Variants in ATP7B observed in about 807,000 individuals in gnomAD.
ATP7B encodes ATPase copper transporting beta.
A neutral mutation model predicts 118.9 loss-of-function variants in ATP7B; 113 were observed. That is an observed-to-expected ratio of 0.95 (90% CI 0.82 to 1.11). The LOEUF is 1.11. ATP7B is among the 50% of genes most tolerant of loss of function. ATP7B has a pLI of 0.00. For missense variants in ATP7B, 1,867 were observed against 1,871.4 expected (o/e 1.00, Z 0.04); for synonymous variants, 777 against 727.4 (o/e 1.07, Z -1.10).
At chr13:51,951,346 A>G (rs1957993009) in intron 9 of ATP7B, among the ~76,000 whole-genome samples, 2 of 152,068 alleles carry the variant, frequency 1.3e-5, no homozygotes, top group Non-Finnish European at 2.9e-5. Flanking sequence ...ATGATTATGG[A>G]GAAGCAGCTA....
intron 1 of ATP7B, among the ~76,000 whole-genome samples, chr13:52,003,598 T>A (rs1361104005): frequency 6.6e-6 from 1 of 151,428 alleles, no homozygotes; most frequent in Non-Finnish European, 1.5e-5. Context: ...ACTTGCTCAG[T>A]GCAGGGTTGC....
intron 13 of ATP7B, 25 bp downstream of exon 13, chr13:51,946,259 G>A (rs1402369224): frequency 5.1e-6 from 8 of 1,557,514 alleles, no homozygotes; most frequent in Non-Finnish European, 7.0e-6. Flanking sequence ...CTCTCAGGAT[G>A]GGGAAAGCCG....
intron 9 of ATP7B, among the ~76,000 whole-genome samples, chr13:51,954,067 A>C (rs901627953): frequency 6.6e-6 from 1 of 152,216 alleles, no homozygotes; most frequent in Non-Finnish European, 1.5e-5. Context: ...GAGGAGCCAC[A>C]GCTGAGCCAG....
chr13:51,960,295 C>G lies in ATP7B; in HGVS notation c.1974G>C (p.Leu658=), dbSNP rs1483566898. The G allele has an allele frequency of 6.2e-7, 1 of 1,613,598 alleles. No individual in the cohort carries two copies. The highest frequency in any genetic ancestry group is 1.3e-5 in the African/African-American group (1 of 74,916). ...KQWKKSFLCS[L]VFGIPVMALM... is the part of the protein sequence containing the mutation. ...AGGCCATGACAGGGATGCCAAACAC[C>G]AGGCTGCACAGGAAAGACTTCTTCC... Residue 658 remains leucine, a synonymous_variant, in exon 7 of 21, where the codon CTG becomes CTC. Coordinates refer to ENST00000242839, the MANE Select transcript of ATP7B (RefSeq NM_000053.4).
Position 52,011,312 on chromosome 13 carries a change from G to C in ATP7B, c.26C>G (p.Thr9Arg). ...TTTCCGACTGGCCCCTTCTCTGGCTGTGATCTGTCTCTCCTGCTCAGGCAT... is the reference window on the plus strand; with the variant it reads ...TTTCCGACTGGCCCCTTCTCTGGCTCTGATCTGTCTCTCCTGCTCAGGCAT... The part of the protein sequence containing the change: MPEQERQI[T>R]AREGASRKIL... The change falls in exon 1 of 21, where the codon ACA becomes AGA. Residue 9 changes from threonine (T) to arginine (R), a missense_variant. By Grantham distance (71) the Thr-to-Arg change is moderately conservative. Coordinates refer to ENST00000242839, the MANE Select transcript of ATP7B (RefSeq NM_000053.4). The C allele has an allele frequency of 6.2e-7, 1 of 1,614,242 alleles. No individual in the cohort carries two copies. Among genetic ancestry groups the C allele is most frequent in the Non-Finnish European group, 8.5e-7 (1 of 1,180,028 alleles).
chr13:51,935,165 G>A, intron 20 of ATP7B, 136 bp from the exon 21 acceptor site: 1 of 1,256,898 alleles, frequency 8.0e-7, no homozygotes, highest in Non-Finnish European at 1.1e-6. Context: ...CAAGGAAAAG[G>A]ACATTAAACT....
chr13:51,938,105 CCAGGGTCT>C (rs1957080731), intron 17 of ATP7B, among the ~76,000 whole-genome samples: 1 of 152,192 alleles, frequency 6.6e-6, no homozygotes, highest in African/African-American at 2.4e-5. Flanking sequence ...TCCCAGGGTC[CCAGGGTCT>C]GGCAGCTGGT....
rs928169 is a variant in ATP7B, at chr13:51,932,974, G to C, written c.*1782C>G. 83,833 of 151,832 alleles carry C rather than the reference G, an allele frequency of 0.55. 23,302 individuals carry two copies. Among genetic ancestry groups the C allele is most frequent in the Middle Eastern group, 0.63 (185 of 294 alleles). 9.4% of individuals were successfully genotyped at this position (151,832 alleles called of 1,614,324 possible). ...GCGGAAATGTGCTGCGGGCTGGAGTGGGGGGGCTGAAAACAAGGAAAACAC... is the reference window on the plus strand; with the variant it reads ...GCGGAAATGTGCTGCGGGCTGGAGTCGGGGGGCTGAAAACAAGGAAAACAC... On this transcript the variant is annotated 3_prime_UTR_variant, in exon 21 of 21. Transcript: ENST00000242839.
At position 51,935,668 on chromosome 13, in the gene ATP7B, A is replaced by G. The variant is rs764603742; in HGVS notation, c.4049T>C (p.Leu1350Pro). The part of the protein sequence containing the change: ...AGVFMPIGIV[L>P]QPWMGSAAMA... ...GGCCGCTGAGCCCATCCAGGGCTGC[A>G]GCACAATGCCGATGGGCATGAAGAC... is the stretch of plus-strand genomic sequence containing the variant. The change falls in exon 20 of 21, where the codon CTG becomes CCG. Residue 1350 changes from leucine (L) to proline (P), a missense_variant. Physicochemically the swap from Leu to Pro is moderately conservative, Grantham distance 98. Transcript: ENST00000242839. The G allele has an allele frequency of 6.2e-6, 10 of 1,613,582 alleles. No individual in the cohort carries two copies. The South Asian group carries it at 1.1e-4, about 18-fold the overall frequency.
chr13:52,003,307 T>G (rs1000238450), intron 1 of ATP7B, among the ~76,000 whole-genome samples: 2 of 152,168 alleles, frequency 1.3e-5, no homozygotes, highest in Non-Finnish European at 2.9e-5. Flanking sequence ...ATTGGCCTAA[T>G]TTTAATATTG....
chr13:51,934,828 G>T lies in ATP7B; in HGVS notation c.4326C>A (p.Ser1442Arg). 1.9e-6 allele frequency: 3 copies of T among 1,614,176 alleles called. No homozygotes were observed. Among genetic ancestry groups the T allele is most frequent in the Non-Finnish European group, 2.5e-6 (3 of 1,180,046 alleles). ...TGTCCCCATCATCGTCTGCTGCAGC[G>T]CTGTGCCGAGATGGCTTGTCGGACG... ...SLTSDKPSRH[S>R]AAADDDGDKW... The change falls in exon 21 of 21, where the codon AGC (serine) becomes AGA (arginine). Residue 1442 changes from serine to arginine, a missense_variant. By Grantham distance (110) the Ser-to-Arg change is moderately radical. Transcript: ENST00000242839.
rs1593666706 is a variant in ATP7B at position 51,942,696 on chromosome 13, A to T, written c.3244-142T>A. ...GGAACTGAGAGAAAGGAGGGGAGGGAGGTGGAACAGATAGGAAAGGTTAAG... is the reference window on the plus strand; with the variant it reads ...GGAACTGAGAGAAAGGAGGGGAGGGTGGTGGAACAGATAGGAAAGGTTAAG... On this transcript the variant is annotated intron_variant, in intron 14 of 20. Transcript: ENST00000242839. 5 of 961,072 alleles carry T rather than the reference A, an allele frequency of 5.2e-6. No individual in the cohort carries two copies. In the East Asian group the frequency reaches 1.3e-4, roughly 25 times the overall value. 59.5% of individuals were successfully genotyped at this position (961,072 alleles called of 1,614,324 possible). A position where few individuals can be genotyped will look rare whatever the true frequency, so the allele number is the denominator to read the frequency against.
rs1956883571 is a variant in ATP7B, at chr13:51,935,148, G to C, written c.4125-119C>G. Reference sequence around the variant, plus strand: ...ATAACATTCAGTATCAAAACCTCAAGAGTTTCCAAGGAAAAGGACATTAAA... The same window carrying C: ...ATAACATTCAGTATCAAAACCTCAACAGTTTCCAAGGAAAAGGACATTAAA... On this transcript the variant is annotated intron_variant, in intron 20 of 20. Coordinates refer to ENST00000242839, the MANE Select transcript of ATP7B (RefSeq NM_000053.4). 4 of 1,377,634 alleles carry C rather than the reference G, an allele frequency of 2.9e-6. No homozygotes were observed. The Admixed American group carries it at 8.4e-5, about 29-fold the overall frequency. 85.3% of individuals were successfully genotyped at this position (1,377,634 alleles called of 1,614,324 possible).
chr13:51,934,880 A>C lies in ATP7B; in HGVS notation c.4274T>G (p.Val1425Gly). Residue 1425 changes from valine (V) to glycine (G), a missense_variant, in exon 21 of 21, where the codon GTC (valine) becomes GGC (glycine). By Grantham distance (109) the Val-to-Gly change is moderately radical. Transcript: ENST00000242839. ...RATPWDQVSY[V>G]SQVSLSSLTS... is the part of the protein sequence containing the mutation. ...CAGGGAGGACAGCGACACCTGGCTG[A>C]CATAGCTGACCTGGTCCCATGGTGT... The C allele has an allele frequency of 6.2e-7, 1 of 1,614,200 alleles. No homozygotes were observed. The highest frequency in any genetic ancestry group is 8.5e-7 in the Non-Finnish European group (1 of 1,180,044).
chr13:51,938,910 G>C, intron 17 of ATP7B, 141 bp downstream of exon 17: 1 of 1,363,418 alleles, frequency 7.3e-7, no homozygotes. Flanking sequence ...CATGGCCACA[G>C]AATGAAACAC....
intron 6 of ATP7B, among the ~76,000 whole-genome samples, chr13:51,961,501 T>C (rs1269941529): frequency 6.6e-6 from 1 of 152,188 alleles, no homozygotes; most frequent in Non-Finnish European, 1.5e-5. Flanking sequence ...CCCTCCCAAC[T>C]TAAGTGCTGT....
chr13:51,939,230 T>C (rs745767372), intron 16 of ATP7B, 37 bp from the exon 17 acceptor site: 10 of 1,609,766 alleles, frequency 6.2e-6, no homozygotes, highest in Admixed American at 1.7e-5. Flanking sequence ...GCTACACAAG[T>C]TGGGGCACCC....
Position 51,934,956 on chromosome 13 carries a change from C to G in ATP7B, c.4198G>C (p.Val1400Leu), listed in dbSNP as rs766316953. Residue 1400 changes from valine to leucine, a missense_variant, in exon 21 of 21, where the codon GTC (valine) becomes CTC (leucine). Coordinates refer to ENST00000242839, the MANE Select transcript of ATP7B (RefSeq NM_000053.4). ...GHMKPLTASQ[V>L]SVHIGMDDRW... ...TCATCCATGCCTATGTGCACACTGACCTGGGATGCCGTCAGGGGCTTCATG... is the reference window on the plus strand; with the variant it reads ...TCATCCATGCCTATGTGCACACTGAGCTGGGATGCCGTCAGGGGCTTCATG... 3 of 1,614,098 alleles carry G rather than the reference C, an allele frequency of 1.9e-6. No individual in the cohort carries two copies. The highest frequency in any genetic ancestry group is 2.5e-6 in the Non-Finnish European group (3 of 1,180,032).
In ATP7B at chr13:51,960,351, T is replaced by C. The variant is rs775642017; in HGVS notation, c.1947-29A>G. The C allele has an allele frequency of 1.9e-6, 3 of 1,607,500 alleles. No homozygotes were observed. The South Asian group carries it at 3.3e-5, about 18-fold the overall frequency. ...GAAAGCAAATGCAGCAACACAGATA[T>C]ATCAGATGCTGCTTGTCACCTGGAT... On this transcript the variant is annotated intron_variant, in intron 6 of 20. Coordinates refer to ENST00000242839, the MANE Select transcript of ATP7B (RefSeq NM_000053.4).
Sources: allele counts gnomAD v4.1 joint callset (sites outside exome capture counted in the v4.1 genomes callset), GRCh38; gene constraint gnomAD v4.1.1; transcripts MANE v1.5; gene names NCBI Gene and HGNC (gene_info 2026-07-23, HGNC 2026-07-21).